SLC24A3: variants seen among roughly 807,000 people sequenced by gnomAD.
The protein encoded by SLC24A3 is sodium/potassium/calcium exchanger 3.
Under a neutral mutation model 75.8 loss-of-function variants are expected in SLC24A3, and 28 were observed. The observed-to-expected ratio is 0.37, with a 90% confidence interval of 0.27 to 0.51. The LOEUF is 0.51. SLC24A3 is among the 20% of genes least tolerant of loss of function. The probability of loss-of-function intolerance (pLI) is 0.94; values close to 1 mark genes in which losing one functional copy is unlikely to be tolerated. For synonymous variants in SLC24A3, 372 were observed against 334.1 expected, an observed-to-expected ratio of 1.11 and a Z score of -1.24; for missense variants, 663 against 847.8, an observed-to-expected ratio of 0.78 and a Z score of 2.71.
At chr20:19,358,114 G>A (rs1187125304) in intron 2 of SLC24A3, among the ~76,000 whole-genome samples, 2 of 152,178 alleles carry the variant, frequency 1.3e-5, no homozygotes, top group African/African-American at 2.4e-5. Context: ...TTTTCACATA[G>A]TTAATTATTT....
At chr20:19,403,998 G>A (rs1986598501) in intron 2 of SLC24A3, among the ~76,000 whole-genome samples, 1 of 152,184 alleles carries the variant, frequency 6.6e-6, no homozygotes, top group South Asian at 2.1e-4. Context: ...AAGTGCCTTC[G>A]CTAAGCTTTG....
At chr20:19,547,626 T>G (rs151135412) in intron 3 of SLC24A3, among the ~76,000 whole-genome samples, 176 of 152,358 alleles carry the variant, frequency 1.2e-3, no homozygotes, top group Admixed American at 1.8e-3. Context: ...CATATTTCCC[T>G]CTCTCCTTTG....
chr20:19,528,405 C>T (rs558451829), intron 3 of SLC24A3, among the ~76,000 whole-genome samples: 59 of 152,310 alleles, frequency 3.9e-4, no homozygotes, highest in African/African-American at 1.3e-3. Context: ...TTAACCCATC[C>T]TTATTTCCTA....
At chr20:19,366,835 A>G (rs1312129992) in intron 2 of SLC24A3, among the ~76,000 whole-genome samples, 1 of 152,190 alleles carries the variant, frequency 6.6e-6, no homozygotes. Flanking sequence ...TAAGGGTCAA[A>G]TGATCTTCCA....
intron 1 of SLC24A3, among the ~76,000 whole-genome samples, chr20:19,237,774 C>G (rs1282635910): frequency 6.6e-6 from 1 of 152,180 alleles, no homozygotes; most frequent in Non-Finnish European, 1.5e-5. Flanking sequence ...ATGAGGGGCT[C>G]TTGGTTTGGC....
At chr20:19,509,191 G>A (rs914811598) in intron 2 of SLC24A3, among the ~76,000 whole-genome samples, 22 of 152,156 alleles carry the variant, frequency 1.4e-4, no homozygotes, top group Admixed American at 1.0e-3. Context: ...AATGAGGCCC[G>A]GTGTGGCACA....
At chr20:19,373,000 T>A (rs914522276) in intron 2 of SLC24A3, among the ~76,000 whole-genome samples, 4 of 152,022 alleles carry the variant, frequency 2.6e-5, no homozygotes, top group Non-Finnish European at 5.9e-5. Flanking sequence ...ACAGAAAGAC[T>A]CATGCCTAAC....
intron 1 of SLC24A3, chr20:19,243,943 T>C (rs6081547): frequency 0.21 from 31,230 of 152,134 alleles, 3,558 homozygotes; most frequent in South Asian, 0.32. Context: ...CCACGACCAC[T>C]GGAGGTTTCC....
Position 19,423,378 on chromosome 20 carries a change from C to A in SLC24A3, c.272-92110C>A, listed in dbSNP as rs148500728. The stretch of plus-strand genomic sequence containing the variant: ...TGCAAAGTGATAAGGGGCCTTTGCT[C>A]GGTCTGAAAAAGATGGCTGTGGTAA... On this transcript the variant is annotated intron_variant, in intron 2 of 16. Transcript: ENST00000328041. 5.1e-3 allele frequency among the ~76,000 whole-genome samples: 771 copies of A among 152,218 alleles called. 4 individuals carry two copies. The highest frequency in any genetic ancestry group is 0.017 in the African/African-American group (705 of 41,522).
intron 2 of SLC24A3, among the ~76,000 whole-genome samples, chr20:19,372,031 A>T (rs1219753718): frequency 6.6e-6 from 1 of 152,166 alleles, no homozygotes; most frequent in Non-Finnish European, 1.5e-5. Context: ...ATAGAGAAAA[A>T]GTATACATGC....
chr20:19,593,266 C>A (rs1233783477), intron 6 of SLC24A3, among the ~76,000 whole-genome samples: 1 of 152,182 alleles, frequency 6.6e-6, no homozygotes, highest in Non-Finnish European at 1.5e-5. Flanking sequence ...CAAGAATCTG[C>A]CAAATGAGCC....
rs946601108 is a variant in SLC24A3 at position 19,510,853 on chromosome 20, C to T, written c.272-4635C>T. Among the ~76,000 whole-genome samples the T allele has an allele frequency of 3.9e-5, 6 of 152,290 alleles. 1 individual carries two copies. The highest frequency in any genetic ancestry group is 1.3e-4 in the Admixed American group (2 of 15,294). Reference sequence around the variant, plus strand: ...GTCTACGGTATTCTGTTGTATCAGGCTAGGGCAGACATGGGGCATTCCTAC... The same window carrying T: ...GTCTACGGTATTCTGTTGTATCAGGTTAGGGCAGACATGGGGCATTCCTAC... On this transcript the variant is annotated intron_variant, in intron 2 of 16. Transcript: ENST00000328041.
intron 6 of SLC24A3, among the ~76,000 whole-genome samples, chr20:19,595,453 G>A (rs1373100941): frequency 2.0e-5 from 3 of 152,184 alleles, no homozygotes; most frequent in African/African-American, 7.2e-5. Context: ...CGTGCTCAGG[G>A]ACTATTCTAG....
chr20:19,687,600 A>T (rs915918580), intron 12 of SLC24A3, among the ~76,000 whole-genome samples: 2 of 152,188 alleles, frequency 1.3e-5, no homozygotes, highest in Non-Finnish European at 2.9e-5. Flanking sequence ...AGCCAGTGGA[A>T]GTTCTGTAAG....
intron 3 of SLC24A3, among the ~76,000 whole-genome samples, chr20:19,539,243 C>A (rs1415129995): frequency 1.3e-5 from 2 of 152,190 alleles, no homozygotes; most frequent in Admixed American, 1.3e-4. Flanking sequence ...GGAAACATAA[C>A]ATCAGAATCC....
At chr20:19,538,084 A>G (rs1199057914) in intron 3 of SLC24A3, among the ~76,000 whole-genome samples, 1 of 152,218 alleles carries the variant, frequency 6.6e-6, no homozygotes, top group African/African-American at 2.4e-5. Context: ...TCTCCATAGT[A>G]TCTGTCCAAG....
At chr20:19,272,602 G>T (rs1341291060) in intron 1 of SLC24A3, among the ~76,000 whole-genome samples, 2 of 152,206 alleles carry the variant, frequency 1.3e-5, no homozygotes, top group Non-Finnish European at 2.9e-5. Flanking sequence ...AGAAAATCTG[G>T]ATTCTGTCTC....
chr20:19,289,145 CT>C (rs1447600659), intron 2 of SLC24A3, among the ~76,000 whole-genome samples: 1 of 152,142 alleles, frequency 6.6e-6, no homozygotes, highest in Non-Finnish European at 1.5e-5. Context: ...AATGTCACCC[CT>C]GGGCTGGGGG....
Position 19,698,571 on chromosome 20 carries a change from T to TG in SLC24A3, c.1615dup (p.Asp539GlyfsTer14). 6.3e-7 allele frequency: 1 copy of TG among 1,578,068 alleles called. No homozygotes were observed. Among genetic ancestry groups the TG allele is most frequent in the Non-Finnish European group, 8.6e-7 (1 of 1,159,458 alleles). ...AAGTGACCTCTTGTCCCTGCAGGGA[T>TG]GGGGGACATGGCTGTGTCCAACTCC... On this transcript the variant is annotated frameshift_variant, in exon 15 of 17. Transcript: ENST00000328041. LOFTEE classifies it high-confidence loss of function.
Sources: gnomAD v4.1 joint callset for allele counts (sites outside exome capture counted in the v4.1 genomes callset) on GRCh38, gnomAD v4.1.1 for gene constraint, MANE v1.5 for transcripts, NCBI Gene and HGNC (gene_info 2026-07-23, HGNC 2026-07-21) for gene names.